The following ERN2 variants were observed in gnomAD, a reference collection of about 807,000 sequenced individuals.
ERN2 encodes the protein endoplasmic reticulum to nucleus signaling 2.
Under a neutral mutation model 107.9 loss-of-function variants are expected in ERN2, and 111 were observed. The observed-to-expected ratio is 1.03, with a 90% CI of 0.88 to 1.20. ERN2 has a LOEUF of 1.20. Ranked by LOEUF, ERN2 falls within the 50% of genes most tolerant of loss-of-function variation. The probability of loss-of-function intolerance (pLI) is 0.00; values close to 1 mark genes in which losing one functional copy is unlikely to be tolerated. For missense variants in ERN2, 1,225 were observed against 1,197.9 expected (o/e 1.02, Z -0.33); for synonymous variants, 524 against 501.7 (o/e 1.04, Z -0.59).
intron 5 of ERN2, 73 bp from the exon 6 acceptor site, chr16:23,706,934 A>G (rs1960340198): frequency 1.3e-6 from 2 of 1,574,962 alleles, no homozygotes; most frequent in African/African-American, 2.7e-5. Context: ...TCTTGTGCCT[A>G]ATTAGCCGTC....
At chr16:23,694,045 T>C (rs1165310762) in intron 17 of ERN2, among the ~76,000 whole-genome samples, 1 of 152,192 alleles carries the variant, frequency 6.6e-6, no homozygotes, top group Non-Finnish European at 1.5e-5. Context: ...TTGTCCAGGC[T>C]AGAGTGCAGT....
intron 13 of ERN2, 68 bp from the exon 14 acceptor site, chr16:23,696,046 G>A: frequency 8.6e-7 from 1 of 1,159,416 alleles, no homozygotes; most frequent in Non-Finnish European, 1.3e-6. Flanking sequence ...GCCCAGTCCA[G>A]ACTCACCTTG....
At position 23,713,129 on chromosome 16, in the gene ERN2, A is replaced by G; in HGVS notation, c.59T>C (p.Phe20Ser). 6.3e-7 allele frequency: 1 copy of G among 1,576,408 alleles called. No homozygotes were observed. Among genetic ancestry groups the G allele is most frequent in the African/African-American group, 1.4e-5 (1 of 73,984 alleles). The change falls in exon 1 of 22, where the codon TTC becomes TCC. Residue 20 changes from phenylalanine to serine, a missense_variant. By Grantham distance (155) the Phe-to-Ser change is radical. Transcript: ENST00000256797. ...CAGCGTCCCGAGCAGCAGCGCCGCGAACTGGAGCTGGAGCCCCAGCCGGGG... is the reference window on the plus strand; with the variant it reads ...CAGCGTCCCGAGCAGCAGCGCCGCGGACTGGAGCTGGAGCCCCAGCCGGGG... ...PWPRLGLQLQFAALLLGTLSP... is the reference protein window; with the variant it reads ...PWPRLGLQLQSAALLLGTLSP...
chr16:23,700,278 A>C (rs924668632), intron 13 of ERN2, among the ~76,000 whole-genome samples: 6 of 152,214 alleles, frequency 3.9e-5, no homozygotes, highest in African/African-American at 1.4e-4. Flanking sequence ...TTGAGGCTGC[A>C]GTGAGCTATG....
At chr16:23,710,483 G>GCCTCCTCCT (rs761280276) in intron 3 of ERN2, 33 bp downstream of exon 3, 2 of 1,610,896 alleles carry the variant, frequency 1.2e-6, no homozygotes, top group South Asian at 1.1e-5. Context: ...TCTCCCAGAA[G>GCCTCCTCCT]CCTCCTCCTT....
intron 13 of ERN2, among the ~76,000 whole-genome samples, chr16:23,700,183 T>C (rs1226428246): frequency 7.2e-5 from 11 of 151,882 alleles, no homozygotes; most frequent in African/African-American, 2.7e-4. Context: ...AACAAAACTT[T>C]AAAACTAGCT....
chr16:23,692,996 C>G (rs183494866), intron 17 of ERN2, among the ~76,000 whole-genome samples: 231 of 151,422 alleles, frequency 1.5e-3, no homozygotes, highest in African/African-American at 5.2e-3. Flanking sequence ...ATCCAGAAAT[C>G]CAAATTTTAT....
At chr16:23,691,673 T>C (rs1417714956) in intron 19 of ERN2, among the ~76,000 whole-genome samples, 1 of 152,236 alleles carries the variant, frequency 6.6e-6, no homozygotes, top group Non-Finnish European at 1.5e-5. Flanking sequence ...TTCACTCAAG[T>C]GCAGTGGGCT....
chr16:23,694,518 C>T (rs1327360111), intron 17 of ERN2, among the ~76,000 whole-genome samples: 2 of 152,186 alleles, frequency 1.3e-5, no homozygotes, highest in Admixed American at 1.3e-4. Context: ...CCAGACATTG[C>T]CTAATGTCCC....
intron 19 of ERN2, 141 bp from the exon 20 acceptor site, chr16:23,691,566 T>G (rs1959599161): frequency 9.7e-7 from 1 of 1,028,416 alleles, no homozygotes; most frequent in East Asian, 2.6e-5. Flanking sequence ...GTGCCACGCC[T>G]CTGTTATTTA....
rs1336850069 is a variant in ERN2 at position 23,702,225 on chromosome 16, T to C, written c.1130A>G (p.His377Arg). ...PVLHTTMLRVHPTLGSGTAET... is the reference protein window; with the variant it reads ...PVLHTTMLRVRPTLGSGTAET... ...TGCAGTTCCACTCCCCAGGGTGGGA[T>C]GGACCCTCAGCATGGTGGTGTGCAG... Residue 377 changes from histidine (H) to arginine (R), a missense_variant, in exon 11 of 22, where the codon CAT (histidine) becomes CGT (arginine). Physicochemically the swap from His to Arg is conservative, Grantham distance 29. Transcript: ENST00000256797. 6 of 1,614,004 alleles carry C rather than the reference T, an allele frequency of 3.7e-6. No homozygotes were observed. In the Admixed American group the frequency reaches 1.0e-4, roughly 27 times the overall value.
At chr16:23,702,743 G>C (rs777560920) in intron 8 of ERN2, 41 bp from the exon 9 acceptor site, 3 of 1,526,600 alleles carry the variant, frequency 2.0e-6, no homozygotes, top group Non-Finnish European at 2.7e-6. Flanking sequence ...ATGAATGCTG[G>C]TGATGGGTAG....
In ERN2 at chr16:23,702,626, C is replaced by T. The variant is rs564664839; in HGVS notation, c.931G>A (p.Val311Met). Reference sequence around the variant, plus strand: ...CCCACTCAGAGACCACTTCTTACCACCAGGGCCACTCCTGTGTGGACCAGT... The same window carrying T: ...CCCACTCAGAGACCACTTCTTACCATCAGGGCCACTCCTGTGTGGACCAGT... Reference protein sequence around the residue: ...KALVHTGVALVPRGLTLAPAD... With the variant: ...KALVHTGVALMPRGLTLAPAD... The change falls in exon 9 of 22, where the codon GTG (valine) becomes ATG (methionine). Residue 311 changes from valine to methionine, a missense_variant and splice_region_variant. By Grantham distance (21) the Val-to-Met change is conservative. Transcript: ENST00000256797. 1 of 1,614,162 alleles carries T rather than the reference C, an allele frequency of 6.2e-7. No homozygotes were observed. Among genetic ancestry groups the T allele is most frequent in the Admixed American group, 1.7e-5 (1 of 60,026 alleles).
intron 17 of ERN2, among the ~76,000 whole-genome samples, chr16:23,694,170 TGC>T (rs2141005506): frequency 6.6e-6 from 1 of 152,246 alleles, no homozygotes; most frequent in South Asian, 2.1e-4. Context: ...AAATTGTGTG[TGC>T]TTTTGGTAGA....
At chr16:23,710,683 ACT>A in intron 2 of ERN2, 134 bp from the exon 3 acceptor site, 1 of 1,075,436 alleles carries the variant, frequency 9.3e-7, no homozygotes, top group Non-Finnish European at 1.4e-6. Context: ...CTTCCCAAAA[ACT>A]CTGTCAGATA....
chr16:23,702,033 G>C, intron 11 of ERN2, 119 bp downstream of exon 11: 1 of 1,013,674 alleles, frequency 9.9e-7, no homozygotes. Context: ...GAAATTGTGT[G>C]AGGTCAATTG....
At chr16:23,709,222 G>A (rs1223507288) in intron 4 of ERN2, 2 of 454,996 alleles carry the variant, frequency 4.4e-6, no homozygotes, top group Admixed American at 4.7e-5. Context: ...CTTGAGGCCA[G>A]GAGTTCGAGG....
At chr16:23,705,555 C>T (rs867984432) in intron 7 of ERN2, among the ~76,000 whole-genome samples, 1 of 151,912 alleles carries the variant, frequency 6.6e-6, no homozygotes, top group Non-Finnish European at 1.5e-5. Context: ...ATGATGGAAT[C>T]AGGGCTTGAG....
Position 23,710,211 on chromosome 16 carries a change from G to A in ERN2, c.267C>T (p.Ser89=). ...GTTTTTGGGTCCCCAAGATGTACAGGCTGCCATCTGCTGGGTCAGAGAGAA... is the reference window on the plus strand; with the variant it reads ...GTTTTTGGGTCCCCAAGATGTACAGACTGCCATCTGCTGGGTCAGAGAGAA... ...MAFLSDPADG[S]LYILGTQKQQ... Residue 89 remains serine, a synonymous_variant, in exon 4 of 22, where the codon AGC becomes AGT. Transcript: ENST00000256797. The A allele has an allele frequency of 6.2e-7, 1 of 1,613,960 alleles. No individual in the cohort carries two copies. The highest frequency in any genetic ancestry group is 8.5e-7 in the Non-Finnish European group (1 of 1,179,842).
Sources: gnomAD v4.1 joint callset for allele counts (sites outside exome capture counted in the v4.1 genomes callset) on GRCh38, gnomAD v4.1.1 for gene constraint, MANE v1.5 for transcripts, NCBI Gene and HGNC (gene_info 2026-07-23, HGNC 2026-07-21) for gene names.